The following PIGU variants were observed in gnomAD, a reference collection of about 807,000 sequenced individuals.
PIGU encodes the protein GPI-anchor transamidase component PIGU.
A neutral mutation model predicts 49.9 loss-of-function variants in PIGU; 24 were observed. That is an observed-to-expected ratio of 0.48 (90% CI 0.35 to 0.68). The LOEUF (loss-of-function observed/expected upper bound fraction) is 0.68, where lower values mean the gene tolerates loss of function less well. Among genes scored for constraint, PIGU ranks in the 30% least tolerant of loss-of-function variants. The pLI, the probability that PIGU is intolerant of heterozygous loss-of-function variation, is 0.01. For missense variants in PIGU, 490 were observed against 532.6 expected (o/e 0.92, Z 0.79); for synonymous variants, 220 against 205.7 (o/e 1.07, Z -0.59).
chr20:34,662,017 TTGTTGGCCACATGCA>T, intron 1 of PIGU, among the ~76,000 whole-genome samples: 1 of 152,342 alleles, frequency 6.6e-6, no homozygotes, highest in South Asian at 2.1e-4. Flanking sequence ...TTTCATATGC[TTGTTGGCCACATGCA>T]TGTCTTCTTT....
intron 6 of PIGU, among the ~76,000 whole-genome samples, chr20:34,625,126 C>T (rs1315888683): frequency 6.6e-6 from 1 of 152,178 alleles, no homozygotes; most frequent in African/African-American, 2.4e-5. Context: ...AATCCCAGCA[C>T]TTTGGGAGGC....
At chr20:34,599,821 T>C (rs1158320276) in intron 7 of PIGU, among the ~76,000 whole-genome samples, 1 of 152,204 alleles carries the variant, frequency 6.6e-6, no homozygotes, top group Non-Finnish European at 1.5e-5. Context: ...ACCAACGTTA[T>C]GGCCCCCCCT....
At chr20:34,659,476 G>A (rs1340309670) in intron 1 of PIGU, among the ~76,000 whole-genome samples, 3 of 151,818 alleles carry the variant, frequency 2.0e-5, no homozygotes, top group African/African-American at 7.3e-5. Flanking sequence ...GGGAGGTGAG[G>A]GGCGCCTCTG....
chr20:34,634,982 C>T (rs1279768992), intron 5 of PIGU, among the ~76,000 whole-genome samples: 1 of 152,174 alleles, frequency 6.6e-6, no homozygotes, highest in Non-Finnish European at 1.5e-5. Context: ...CTCACAATAA[C>T]ATCATTCCAG....
intron 2 of PIGU, among the ~76,000 whole-genome samples, chr20:34,646,132 C>G (rs2146772367): frequency 6.6e-6 from 1 of 152,156 alleles, no homozygotes; most frequent in Non-Finnish European, 1.5e-5. Flanking sequence ...ATTTCTTCCT[C>G]AAAGATTTGG....
intron 1 of PIGU, among the ~76,000 whole-genome samples, chr20:34,664,682 T>TA (rs1987030576): frequency 7.1e-6 from 1 of 141,488 alleles, no homozygotes; most frequent in Non-Finnish European, 1.5e-5. Flanking sequence ...GCATAAAAAA[T>TA]AAAAAACCAA....
chr20:34,568,034 C>T (rs1042428943), intron 11 of PIGU, among the ~76,000 whole-genome samples: 1 of 152,174 alleles, frequency 6.6e-6, no homozygotes, highest in African/African-American at 2.4e-5. Flanking sequence ...CTTGGAAGTA[C>T]ACCTCTGTCT....
At chr20:34,606,387 T>C (rs1568636228) in intron 7 of PIGU, among the ~76,000 whole-genome samples, 1 of 152,160 alleles carries the variant, frequency 6.6e-6, no homozygotes, top group Admixed American at 6.5e-5. Flanking sequence ...GACTCTCCCA[T>C]TGCATTCAGT....
chr20:34,625,387 A>C (rs548174555), intron 6 of PIGU, among the ~76,000 whole-genome samples: 45 of 151,862 alleles, frequency 3.0e-4, no homozygotes, highest in Admixed American at 9.2e-4. Flanking sequence ...AAAAAACAAA[A>C]AAAAAAAAAC....
At chr20:34,622,515 T>C (rs1985281022) in intron 6 of PIGU, among the ~76,000 whole-genome samples, 1 of 150,960 alleles carries the variant, frequency 6.6e-6, no homozygotes, top group Admixed American at 6.6e-5. Flanking sequence ...AGAGTCCGTC[T>C]CAAAAAAAAC....
rs1250722436 is a variant in PIGU, at chr20:34,655,097, A to T, written c.195+2083T>A. 3.4e-5 allele frequency among the ~76,000 whole-genome samples: 4 copies of T among 118,506 alleles called. 2 individuals are homozygous for T. In the Admixed American group the frequency reaches 4.5e-4, roughly 13 times the overall value. The allele number at this position is 118,506 out of a possible 152,430, so 77.7% of individuals were successfully genotyped here. ...CAAGGCAGGAGGATTACTTGAGTGCAGGAGTTCAAGACCAGCCTGGGCAAC... is the reference window on the plus strand; with the variant it reads ...CAAGGCAGGAGGATTACTTGAGTGCTGGAGTTCAAGACCAGCCTGGGCAAC... On this transcript the variant is annotated intron_variant, in intron 2 of 11. Coordinates refer to ENST00000217446, the MANE Select transcript of PIGU (RefSeq NM_080476.5).
chr20:34,644,081 C>T (rs898034026), intron 4 of PIGU, 83 bp downstream of exon 4: 4 of 1,277,156 alleles, frequency 3.1e-6, no homozygotes, highest in South Asian at 2.4e-5. Context: ...GCATCTGGAT[C>T]CTTAAGTATA....
Position 34,585,481 on chromosome 20 carries a change from C to A in PIGU, c.882G>T (p.Gln294His). The part of the protein sequence containing the change: ...HFSLFFVCVF[Q>H]INVFFYTIPL... The stretch of plus-strand genomic sequence containing the variant: ...GGATGGTGTAGAAGAAGACGTTGAT[C>A]TGAAACACACATACAAAGAAGAGGC... Residue 294 changes from glutamine to histidine, a missense_variant, in exon 9 of 12, where the codon CAG becomes CAT. Gln to His is a conservative substitution (Grantham distance 24, BLOSUM62 0). Transcript: ENST00000217446. 1 of 1,614,082 alleles carries A rather than the reference C, an allele frequency of 6.2e-7. No homozygotes were observed. The highest frequency in any genetic ancestry group is 8.5e-7 in the Non-Finnish European group (1 of 1,179,930).
intron 5 of PIGU, among the ~76,000 whole-genome samples, chr20:34,637,087 G>A (rs1202174966): frequency 6.6e-6 from 1 of 152,202 alleles, no homozygotes; most frequent in African/African-American, 2.4e-5. Context: ...AATAGCAGGT[G>A]ACGTTCAAGA....
intron 1 of PIGU, among the ~76,000 whole-genome samples, chr20:34,662,601 C>G (rs1385457565): frequency 6.6e-6 from 1 of 151,908 alleles, no homozygotes; most frequent in Non-Finnish European, 1.5e-5. Flanking sequence ...ACTATGTTGG[C>G]CAGGCTAGTC....
At chr20:34,585,374 A>T (rs1016927751) in intron 9 of PIGU, 63 bp downstream of exon 9, 32 of 1,540,902 alleles carry the variant, frequency 2.1e-5, no homozygotes, top group Non-Finnish European at 2.7e-5. Flanking sequence ...CCTCAAGGCT[A>T]CTAGAGGCAG....
intron 11 of PIGU, among the ~76,000 whole-genome samples, chr20:34,572,944 G>A (rs1415359388): frequency 6.6e-6 from 1 of 152,130 alleles, no homozygotes; most frequent in Non-Finnish European, 1.5e-5. Context: ...TGATCCCAAA[G>A]GCCACGTCTG....
At chr20:34,586,211 T>C (rs1241657608) in intron 8 of PIGU, among the ~76,000 whole-genome samples, 1 of 152,198 alleles carries the variant, frequency 6.6e-6, no homozygotes, top group Non-Finnish European at 1.5e-5. Context: ...GTTTACATTT[T>C]TGATTTAAAA....
intron 2 of PIGU, among the ~76,000 whole-genome samples, chr20:34,647,556 G>A (rs1438631292): frequency 2.6e-5 from 4 of 151,820 alleles, no homozygotes; most frequent in East Asian, 1.9e-4. Context: ...CACCATGCCC[G>A]GCCTAATTTT....
Sources: allele counts gnomAD v4.1 joint callset (sites outside exome capture counted in the v4.1 genomes callset), GRCh38; gene constraint gnomAD v4.1.1; transcripts MANE v1.5; gene names NCBI Gene and HGNC (gene_info 2026-07-23, HGNC 2026-07-21).